MARCHF1: variants seen among roughly 807,000 people sequenced by gnomAD.
MARCHF1 encodes E3 ubiquitin-protein ligase MARCHF1.
In MARCHF1, 40 loss-of-function variants were observed where a neutral mutation model predicts 54.2. The observed-to-expected ratio is 0.74, with a 90% CI of 0.57 to 0.96. The LOEUF (loss-of-function observed/expected upper bound fraction) is 0.96. Among genes scored for constraint, MARCHF1 ranks in the 40% least tolerant of loss-of-function variants. The probability of loss-of-function intolerance (pLI) is 0.00; values close to 1 mark genes in which losing one functional copy is unlikely to be tolerated. For missense variants in MARCHF1, 586 were observed against 656.5 expected, an observed-to-expected ratio of 0.89 and a Z score of 1.17; for synonymous variants, 236 against 236.3, an observed-to-expected ratio of 1.00 and a Z score of 0.01.
chr4:163,750,619 A>G (rs939782390), intron 4 of MARCHF1, among the ~76,000 whole-genome samples: 3 of 152,312 alleles, frequency 2.0e-5, no homozygotes, highest in Admixed American at 6.5e-5. Flanking sequence ...CCAAACTTAT[A>G]TGGGCAAATA....
In MARCHF1 at chr4:164,197,149, TC is replaced by T. The variant is rs762615926; in HGVS notation, c.-322-85488del. 2.5e-6 allele frequency: 4 copies of T among 1,604,410 alleles called. No homozygotes were observed. The Admixed American group carries it at 5.0e-5, about 20-fold the overall frequency. On this transcript the variant is annotated intron_variant, in intron 1 of 9. Coordinates refer to ENST00000514618, the MANE Select transcript of MARCHF1 (RefSeq NM_001394959.1). ...CTCTTCACCTTCCTCCTCCTCCTCC[TC>T]GCCCTCCTCATCTTCCACTACCTGA...
chr4:163,656,425 AC>A (rs1257145652), intron 5 of MARCHF1, among the ~76,000 whole-genome samples: 1 of 151,952 alleles, frequency 6.6e-6, no homozygotes, highest in Non-Finnish European at 1.5e-5. Flanking sequence ...TAGCCTACCA[AC>A]CAAAAAACCC....
intron 5 of MARCHF1, among the ~76,000 whole-genome samples, chr4:163,659,391 C>CA (rs755843523): frequency 6.6e-6 from 1 of 150,908 alleles, no homozygotes; most frequent in Non-Finnish European, 1.5e-5. Flanking sequence ...ACACCTTATA[C>CA]AAAAATTAAT....
chr4:164,049,789 C>T (rs1477238332), intron 2 of MARCHF1, among the ~76,000 whole-genome samples: 1 of 152,174 alleles, frequency 6.6e-6, no homozygotes, highest in Non-Finnish European at 1.5e-5. Flanking sequence ...GAGAAACCTA[C>T]TGAAATTACA....
chr4:163,695,797 G>T (rs1394827416), intron 5 of MARCHF1, among the ~76,000 whole-genome samples: 1 of 152,106 alleles, frequency 6.6e-6, no homozygotes, highest in African/African-American at 2.4e-5. Context: ...TTACACTGTT[G>T]CTAGTTAAAT....
At chr4:163,626,340 C>T (rs2175490) in intron 5 of MARCHF1, among the ~76,000 whole-genome samples, 45,909 of 152,064 alleles carry the variant, frequency 0.3, 8,311 homozygotes, top group Non-Finnish European at 0.41. Flanking sequence ...AAATTAATTA[C>T]GGTTTCAAAA....
intron 3 of MARCHF1, among the ~76,000 whole-genome samples, chr4:163,936,301 T>C (rs1043331581): frequency 6.6e-6 from 1 of 152,156 alleles, no homozygotes; most frequent in African/African-American, 2.4e-5. Context: ...AGTGAGCACA[T>C]GCTATTGAAA....
chr4:163,793,249 G>A (rs576959231), intron 4 of MARCHF1, among the ~76,000 whole-genome samples: 1 of 152,258 alleles, frequency 6.6e-6, no homozygotes, highest in South Asian at 2.1e-4. Context: ...TCTCTAGTTA[G>A]GTAGTAACAG....
At chr4:164,242,061 G>GC (rs1203933018) in intron 1 of MARCHF1, among the ~76,000 whole-genome samples, 1 of 152,176 alleles carries the variant, frequency 6.6e-6, no homozygotes, top group East Asian at 1.9e-4. Flanking sequence ...AGGGGCGCCC[G>GC]CCATTGCCCA....
intron 3 of MARCHF1, among the ~76,000 whole-genome samples, chr4:163,938,374 G>C (rs1181958584): frequency 6.6e-6 from 1 of 152,184 alleles, no homozygotes; most frequent in African/African-American, 2.4e-5. Flanking sequence ...GCAATGAGGT[G>C]ACTGGCTGGC....
intron 3 of MARCHF1, among the ~76,000 whole-genome samples, chr4:163,934,975 A>G (rs1194050556): frequency 6.6e-6 from 1 of 152,104 alleles, no homozygotes; most frequent in East Asian, 1.9e-4. Flanking sequence ...TATCTATGGC[A>G]GCTACAGTAC....
chr4:163,815,368 GT>G (rs1354786404), intron 4 of MARCHF1, among the ~76,000 whole-genome samples: 6 of 152,272 alleles, frequency 3.9e-5, no homozygotes, highest in African/African-American at 1.4e-4. Context: ...ACATTTTCTG[GT>G]TGATAAAGAA....
At chr4:163,977,888 G>C (rs1190456276) in intron 3 of MARCHF1, among the ~76,000 whole-genome samples, 2 of 152,100 alleles carry the variant, frequency 1.3e-5, no homozygotes, top group Non-Finnish European at 2.9e-5. Context: ...AGCATGGGCT[G>C]TTCTTTATAA....
Position 164,215,351 on chromosome 4 carries a change from T to G in MARCHF1, c.-322-103689A>C, listed in dbSNP as rs1050586720. ...TGGCCTGCTCCCCTTGACGTCCAGC[T>G]GCTTGTTTTCTTCCACCGATGCATT... On this transcript the variant is annotated intron_variant, in intron 1 of 9. Coordinates refer to ENST00000514618, the MANE Select transcript of MARCHF1 (RefSeq NM_001394959.1). Among the ~76,000 whole-genome samples, 3 of 152,292 alleles carry G rather than the reference T, an allele frequency of 2.0e-5. No individual in the cohort carries two copies. In the East Asian group the frequency reaches 5.8e-4, roughly 30 times the overall value.
At chr4:163,966,446 T>C (rs535348640) in intron 3 of MARCHF1, among the ~76,000 whole-genome samples, 1 of 152,184 alleles carries the variant, frequency 6.6e-6, no homozygotes, top group Non-Finnish European at 1.5e-5. Context: ...TCAGTAAACA[T>C]ATAATGAACA....
chr4:163,720,624 G>A (rs1745420119), intron 4 of MARCHF1, among the ~76,000 whole-genome samples: 1 of 152,130 alleles, frequency 6.6e-6, no homozygotes, highest in African/African-American at 2.4e-5. Flanking sequence ...TGGGCAGTAT[G>A]GCCATTTTCA....
At chr4:164,152,718 T>C (rs1213615614) in intron 1 of MARCHF1, among the ~76,000 whole-genome samples, 1 of 152,154 alleles carries the variant, frequency 6.6e-6, no homozygotes, top group Non-Finnish European at 1.5e-5. Flanking sequence ...CCTGCTCTTC[T>C]CTAAAGTCTG....
chr4:163,934,398 T>A (rs952295762), intron 3 of MARCHF1, among the ~76,000 whole-genome samples: 1 of 121,486 alleles, frequency 8.2e-6, no homozygotes, highest in Middle Eastern at 3.9e-3. Flanking sequence ...ATCTCTGCAA[T>A]TTTTTTTTTA....
chr4:163,558,505 G>A (rs539383581), intron 8 of MARCHF1, among the ~76,000 whole-genome samples: 60 of 152,216 alleles, frequency 3.9e-4, no homozygotes, highest in Non-Finnish European at 7.6e-4. Context: ...CATTGCTGAA[G>A]TGACTGGATT....
Sources: gnomAD v4.1 joint callset for allele counts (sites outside exome capture counted in the v4.1 genomes callset) on GRCh38, gnomAD v4.1.1 for gene constraint, MANE v1.5 for transcripts, NCBI Gene and HGNC (gene_info 2026-07-23, HGNC 2026-07-21) for gene names.